ADCY10: variants seen among roughly 807,000 people sequenced by gnomAD.
The protein encoded by ADCY10 is adenylate cyclase 10, also known as adenylate cyclase type 10.
ADCY10 carries 156 observed loss-of-function variants against 183.3 expected under a neutral mutation model. The ratio of observed to expected loss-of-function variants is 0.85; its 90% CI spans 0.75 to 0.97. The LOEUF is 0.97. Among genes scored for constraint, ADCY10 ranks in the 50% least tolerant of loss-of-function variants. The pLI, the probability that ADCY10 is intolerant of heterozygous loss-of-function variation, is 0.00. For missense variants in ADCY10, 1,745 were observed against 1,934.3 expected (o/e 0.90, Z 1.84); for synonymous variants, 645 against 670.0 (o/e 0.96, Z 0.58).
intron 8 of ADCY10, among the ~76,000 whole-genome samples, chr1:167,891,399 G>T (rs1227091029): frequency 2.0e-5 from 3 of 151,738 alleles, no homozygotes; most frequent in Non-Finnish European, 4.4e-5. Flanking sequence ...GCTCACATCT[G>T]TAATCCCAGC....
At chr1:167,810,286 G>A (rs1662121370) in intron 32 of ADCY10, among the ~76,000 whole-genome samples, 1 of 152,110 alleles carries the variant, frequency 6.6e-6, no homozygotes, top group Admixed American at 6.5e-5. Context: ...ACCCTTTCTG[G>A]TAAGAATCCA....
chr1:167,851,641 TG>T (rs1665494071), intron 18 of ADCY10, among the ~76,000 whole-genome samples: 2 of 151,740 alleles, frequency 1.3e-5, no homozygotes, highest in African/African-American at 4.8e-5. Context: ...GCCAAGGTGG[TG>T]AAACCCCGTC....
intron 21 of ADCY10, among the ~76,000 whole-genome samples, chr1:167,841,297 C>A (rs1664619975): frequency 1.3e-5 from 2 of 152,038 alleles, no homozygotes; most frequent in African/African-American, 4.8e-5. Context: ...AAGGGCCACG[C>A]TCCTGTCTTA....
intron 3 of ADCY10, among the ~76,000 whole-genome samples, chr1:167,902,937 G>A (rs1303321293): frequency 6.6e-6 from 1 of 152,176 alleles, no homozygotes; most frequent in African/African-American, 2.4e-5. Context: ...CTATCTTTGG[G>A]TTTTATAGAT....
chr1:167,882,440 A>G (rs959724867), intron 9 of ADCY10, among the ~76,000 whole-genome samples: 8 of 146,772 alleles, frequency 5.5e-5, no homozygotes, highest in Admixed American at 5.0e-4. Flanking sequence ...AGCCGAGATC[A>G]TGCCACTGCA....
intron 31 of ADCY10, among the ~76,000 whole-genome samples, chr1:167,812,361 C>T (rs1365123716): frequency 6.6e-6 from 1 of 152,186 alleles, no homozygotes. Context: ...TCAAAAGCAA[C>T]TGCCTATAAA....
intron 8 of ADCY10, among the ~76,000 whole-genome samples, chr1:167,888,178 T>C (rs1180972329): frequency 6.6e-6 from 1 of 152,234 alleles, no homozygotes; most frequent in Non-Finnish European, 1.5e-5. Context: ...TGGGTTGCTA[T>C]AGCTGTGGTA....
chr1:167,850,095 G>T (rs1275942912), intron 18 of ADCY10, among the ~76,000 whole-genome samples: 1 of 152,104 alleles, frequency 6.6e-6, no homozygotes, highest in African/African-American at 2.4e-5. Context: ...TATTTAGGAA[G>T]GTACCACTGG....
intron 14 of ADCY10, among the ~76,000 whole-genome samples, chr1:167,865,531 C>T (rs975105452): frequency 6.6e-6 from 1 of 152,078 alleles, no homozygotes; most frequent in African/African-American, 2.4e-5. Context: ...ATTAATAACA[C>T]ACTAATATAA....
At chr1:167,847,277 G>C (rs1665113067) in intron 19 of ADCY10, among the ~76,000 whole-genome samples, 1 of 152,094 alleles carries the variant, frequency 6.6e-6, no homozygotes, top group South Asian at 2.1e-4. Context: ...TGAAGACTGA[G>C]GACCTTGAGA....
chr1:167,842,021 A>C (rs1179363588), intron 21 of ADCY10, among the ~76,000 whole-genome samples: 2 of 152,232 alleles, frequency 1.3e-5, no homozygotes, highest in Non-Finnish European at 2.9e-5. Context: ...CAGGAGGGTA[A>C]ACCGTTGGAA....
intron 26 of ADCY10, among the ~76,000 whole-genome samples, chr1:167,828,505 C>G (rs1418148843): frequency 2.6e-5 from 4 of 152,280 alleles, no homozygotes; most frequent in African/African-American, 7.2e-5. Context: ...AAAGCAGAAG[C>G]AGATGTGAGA....
intron 18 of ADCY10, among the ~76,000 whole-genome samples, chr1:167,854,090 C>T (rs377661802): frequency 9.9e-5 from 15 of 152,106 alleles, no homozygotes; most frequent in African/African-American, 3.4e-4. Context: ...CTGCCTGCCT[C>T]GGGCTCCGAA....
chr1:167,830,970 T>C (rs185264596), intron 25 of ADCY10, among the ~76,000 whole-genome samples: 1 of 152,302 alleles, frequency 6.6e-6, no homozygotes, highest in Admixed American at 6.5e-5. Flanking sequence ...GTCCCACCTT[T>C]CCAGACCAAT....
chr1:167,903,830 A>T, intron 3 of ADCY10, 57 bp downstream of exon 3: 1 of 1,292,832 alleles, frequency 7.7e-7, no homozygotes, highest in Non-Finnish European at 1.1e-6. Flanking sequence ...ATTGACAACT[A>T]CGGAAAAAAC....
At chr1:167,882,343 G>C (rs1309254837) in intron 9 of ADCY10, among the ~76,000 whole-genome samples, 1 of 152,076 alleles carries the variant, frequency 6.6e-6, no homozygotes, top group Non-Finnish European at 1.5e-5. Context: ...AAATTAGCCA[G>C]GTGTGGTGGC....
chr1:167,882,793 C>T (rs1018784651), intron 9 of ADCY10, among the ~76,000 whole-genome samples: 2 of 152,158 alleles, frequency 1.3e-5, no homozygotes, highest in Non-Finnish European at 2.9e-5. Flanking sequence ...CAGCCTCCCC[C>T]TTACTAGCTT....
intron 31 of ADCY10, among the ~76,000 whole-genome samples, chr1:167,815,578 A>G (rs918910036): frequency 3.9e-5 from 6 of 152,186 alleles, no homozygotes; most frequent in African/African-American, 1.4e-4. Flanking sequence ...TTACCATCAC[A>G]TTACTAAAGA....
At chr1:167,810,968 G>A in intron 31 of ADCY10, 55 bp from the exon 32 acceptor site, 2 of 1,511,838 alleles carry the variant, frequency 1.3e-6, no homozygotes, top group Non-Finnish European at 1.8e-6. Flanking sequence ...GTCCTTGACT[G>A]TAAGTTATTT....
Sources: gnomAD v4.1 joint callset for allele counts (sites outside exome capture counted in the v4.1 genomes callset) on GRCh38, gnomAD v4.1.1 for gene constraint, MANE v1.5 for transcripts, NCBI Gene and HGNC (gene_info 2026-07-23, HGNC 2026-07-21) for gene names.